Variants in SLC30A8 observed in about 807,000 individuals in gnomAD.
SLC30A8 encodes solute carrier family 30 member 8, also known as proton-coupled zinc antiporter SLC30A8.
Under a neutral mutation model 36.9 loss-of-function variants are expected in SLC30A8, and 27 were observed. That is an observed-to-expected ratio of 0.73 (90% CI 0.54 to 1.01). The LOEUF is 1.01. SLC30A8 is among the 50% of genes least tolerant of loss of function. The probability of loss-of-function intolerance (pLI) is 0.00; values close to 1 mark genes in which losing one functional copy is unlikely to be tolerated. For synonymous variants in SLC30A8, 164 were observed against 172.4 expected, an observed-to-expected ratio of 0.95 and a Z score of 0.38; for missense variants, 439 against 452.0, an observed-to-expected ratio of 0.97 and a Z score of 0.26.
At chr8:117,102,011 TC>T (rs1819745374) in intron 2 of SLC30A8, among the ~76,000 whole-genome samples, 1 of 152,004 alleles carries the variant, frequency 6.6e-6, no homozygotes, top group Admixed American at 6.6e-5. Context: ...AACACAGACT[TC>T]CTATATGAAG....
intron 4 of SLC30A8, among the ~76,000 whole-genome samples, chr8:117,160,212 G>A (rs1036300698): frequency 1.3e-5 from 2 of 152,222 alleles, no homozygotes; most frequent in African/African-American, 2.4e-5. Flanking sequence ...TAGGATGAAG[G>A]TTATAAATAC....
intron 2 of SLC30A8, among the ~76,000 whole-genome samples, chr8:117,066,036 G>T (rs954133096): frequency 3.5e-4 from 54 of 152,124 alleles, no homozygotes; most frequent in Admixed American, 3.4e-3. Context: ...TCATGTGTTG[G>T]TGGAACACAC....
At chr8:117,154,493 A>AC (rs1227798040) in intron 3 of SLC30A8, among the ~76,000 whole-genome samples, 2 of 152,220 alleles carry the variant, frequency 1.3e-5, no homozygotes, top group African/African-American at 4.8e-5. Context: ...ATAACTGTGG[A>AC]CTGCGGCTTT....
intron 2 of SLC30A8, among the ~76,000 whole-genome samples, chr8:117,122,670 G>C (rs1056486615): frequency 6.6e-6 from 1 of 152,072 alleles, no homozygotes; most frequent in East Asian, 1.9e-4. Context: ...TTCACTTTTA[G>C]TGGAACCCAG....
At chr8:117,083,223 T>C (rs1818733233) in intron 2 of SLC30A8, among the ~76,000 whole-genome samples, 1 of 152,122 alleles carries the variant, frequency 6.6e-6, no homozygotes, top group African/African-American at 2.4e-5. Flanking sequence ...GCACGCACTT[T>C]CCCCCTTGTG....
At chr8:117,002,599 G>GTTTTGT (rs939015074) in intron 1 of SLC30A8, among the ~76,000 whole-genome samples, 1 of 151,754 alleles carries the variant, frequency 6.6e-6, no homozygotes, top group African/African-American at 2.4e-5. Context: ...TTTTTTGTTT[G>GTTTTGT]TTTTGTTTTT....
upstream of SLC30A8, among the ~76,000 whole-genome samples, chr8:117,133,681 A>G (rs991816164): frequency 6.6e-6 from 1 of 152,026 alleles, no homozygotes; most frequent in Non-Finnish European, 1.5e-5. Flanking sequence ...AAATGATTCA[A>G]GCTGTGACAT....
chr8:117,001,871 T>A (rs1287764684), intron 1 of SLC30A8, among the ~76,000 whole-genome samples: 1 of 152,230 alleles, frequency 6.6e-6, no homozygotes, highest in Non-Finnish European at 1.5e-5. Flanking sequence ...ATATTTTCTT[T>A]AGTTATTTCT....
chr8:117,108,599 T>C (rs1220109050), intron 2 of SLC30A8, among the ~76,000 whole-genome samples: 3 of 152,206 alleles, frequency 2.0e-5, no homozygotes, highest in Admixed American at 2.0e-4. Context: ...TTACACCTTG[T>C]TCACAGATGT....
At chr8:116,996,974 A>G (rs966863986) in intron 1 of SLC30A8, among the ~76,000 whole-genome samples, 6 of 151,210 alleles carry the variant, frequency 4.0e-5, no homozygotes, top group Non-Finnish European at 8.8e-5. Flanking sequence ...AGAAGGAGGC[A>G]TTCTTTTTTT....
At position 117,173,994 on chromosome 8, in the gene SLC30A8, GAA is replaced by G. The variant is rs989920230; in HGVS notation, c.*1314_*1315del. 3.9e-5 allele frequency: 6 copies of G among 152,256 alleles called. No individual in the cohort carries two copies. The highest frequency in any genetic ancestry group is 1.4e-4 in the African/African-American group (6 of 41,564). The allele number at this position is 152,256 out of a possible 1,614,324, so 9.4% of individuals were successfully genotyped here. Reference sequence around the variant, plus strand: ...AGGCTCTCCAGGAAGACGAAGAAGAGAAGGACATTCTAGGCAAAAAGAAGACT... The same window carrying G: ...AGGCTCTCCAGGAAGACGAAGAAGAGGGACATTCTAGGCAAAAAGAAGACT... On this transcript the variant is annotated 3_prime_UTR_variant, in exon 8 of 8. Transcript: ENST00000456015.
intron 1 of SLC30A8, among the ~76,000 whole-genome samples, chr8:117,036,631 G>A (rs1430477401): frequency 6.6e-6 from 1 of 152,232 alleles, no homozygotes; most frequent in Non-Finnish European, 1.5e-5. Flanking sequence ...AGTGTGTGGA[G>A]GAGGAACTGT....
intron 2 of SLC30A8, among the ~76,000 whole-genome samples, chr8:117,043,893 C>T (rs1817465729): frequency 6.6e-6 from 1 of 152,112 alleles, no homozygotes; most frequent in Non-Finnish European, 1.5e-5. Context: ...TTATTTTATT[C>T]AATAAGTGTT....
intron 2 of SLC30A8, among the ~76,000 whole-genome samples, chr8:117,114,238 T>A (rs1027536023): frequency 3.9e-5 from 6 of 152,086 alleles, no homozygotes; most frequent in African/African-American, 1.4e-4. Context: ...AATTATTAGA[T>A]GAAATGAGAT....
chr8:117,110,965 C>T (rs894826928), intron 2 of SLC30A8, among the ~76,000 whole-genome samples: 15 of 151,934 alleles, frequency 9.9e-5, no homozygotes, highest in African/African-American at 3.4e-4. Context: ...AAAAGGTAGC[C>T]AGGTAACATG....
intron 2 of SLC30A8, among the ~76,000 whole-genome samples, chr8:117,059,280 C>T (rs17745203): frequency 0.13 from 20,166 of 152,152 alleles, 1,455 homozygotes; most frequent in Non-Finnish European, 0.16. Flanking sequence ...ATAGCCAAGT[C>T]GTAGCCTGGG....
chr8:116,993,250 C>G (rs1815706378), intron 1 of SLC30A8, among the ~76,000 whole-genome samples: 1 of 151,504 alleles, frequency 6.6e-6, no homozygotes. Context: ...CAAGATGGAG[C>G]AACCTCAGGA....
At position 117,120,322 on chromosome 8, in the gene SLC30A8, A is replaced by T. The variant is rs111997661; in HGVS notation, c.-225-14958A>T. ...CCCAGAAATAAAACCACACATATAT[A>T]GTGAACTGATCTTTGACAAGGTTGC... On this transcript the variant is annotated intron_variant, in intron 2 of 10. Transcript: ENST00000427715. Among the ~76,000 whole-genome samples, 475 of 152,068 alleles carry T rather than the reference A, an allele frequency of 3.1e-3. 1 individual carries two copies. The highest frequency in any genetic ancestry group is 0.011 in the African/African-American group (456 of 41,554).
chr8:117,075,381 C>G lies in SLC30A8; in HGVS notation c.-226+36123C>G, dbSNP rs990193801. 2.6e-5 allele frequency among the ~76,000 whole-genome samples: 4 copies of G among 151,916 alleles called. No homozygotes were observed. In the East Asian group the frequency reaches 7.7e-4, roughly 29 times the overall value. ...AACTTTTCAATATACTTGACTGATT[C>G]TTTCTTTATCATTCTTTTATGAAAA... is the stretch of plus-strand genomic sequence containing the variant. On this transcript the variant is annotated intron_variant, in intron 2 of 10. Coordinates refer to the SLC30A8 transcript ENST00000427715.
Sources: allele counts gnomAD v4.1 joint callset (sites outside exome capture counted in the v4.1 genomes callset), GRCh38; gene constraint gnomAD v4.1.1; transcripts MANE v1.5; gene names NCBI Gene and HGNC (gene_info 2026-07-23, HGNC 2026-07-21).